The following VPS54 variants were observed in gnomAD, a reference collection of about 807,000 sequenced individuals.
VPS54 encodes the protein VPS54 subunit of GARP complex.
A neutral mutation model predicts 121.5 loss-of-function variants in VPS54; 45 were observed. The ratio of observed to expected loss-of-function variants is 0.37; its 90% CI spans 0.29 to 0.47. The LOEUF is 0.47. Ranked by LOEUF, VPS54 falls within the 20% of genes least tolerant of loss-of-function variation. VPS54 has a pLI of 0.99. For missense variants in VPS54, 1,090 were observed against 1,131.4 expected (o/e 0.96, Z 0.52); for synonymous variants, 371 against 385.8 (o/e 0.96, Z 0.45).
At chr2:64,018,749 A>G (rs1371082993) in intron 1 of VPS54, among the ~76,000 whole-genome samples, 189 bp downstream of exon 1, 1 of 16,160 alleles carries the variant, frequency 6.2e-5, no homozygotes, top group Non-Finnish European at 2.4e-4. Flanking sequence ...GTGAAAAGGA[A>G]AAAAAAAAAA....
chr2:63,899,111 G>T (rs1246333237), intron 21 of VPS54, among the ~76,000 whole-genome samples: 1 of 152,032 alleles, frequency 6.6e-6, no homozygotes, highest in Non-Finnish European at 1.5e-5. Flanking sequence ...TATCCAATTT[G>T]AATTACAATC....
intron 5 of VPS54, among the ~76,000 whole-genome samples, chr2:63,968,468 T>C (rs1351187264): frequency 1.3e-5 from 2 of 149,860 alleles, no homozygotes; most frequent in Non-Finnish European, 3.0e-5. Flanking sequence ...TCCCAGCACA[T>C]TGGGAGGCTG....
intron 16 of VPS54, among the ~76,000 whole-genome samples, chr2:63,915,815 A>G (rs1025084741): frequency 3.3e-5 from 5 of 152,210 alleles, no homozygotes; most frequent in African/African-American, 4.8e-5. Context: ...CAGAAAAAGG[A>G]TTAATTCTAT....
intron 1 of VPS54, among the ~76,000 whole-genome samples, chr2:63,996,439 C>T (rs566928015): frequency 6.6e-6 from 1 of 152,246 alleles, no homozygotes; most frequent in Non-Finnish European, 1.5e-5. Flanking sequence ...GTTAACTGCA[C>T]AAATTGTTCC....
intron 6 of VPS54, among the ~76,000 whole-genome samples, chr2:63,962,970 AAC>A (rs1377849116): frequency 6.6e-6 from 1 of 152,156 alleles, no homozygotes; most frequent in Non-Finnish European, 1.5e-5. Flanking sequence ...CAGATGAGGA[AAC>A]ACAGTCATGT....
chr2:63,943,677 C>T (rs1674839286), intron 10 of VPS54, among the ~76,000 whole-genome samples: 1 of 151,390 alleles, frequency 6.6e-6, no homozygotes, highest in Non-Finnish European at 1.5e-5. Context: ...TATCACTATT[C>T]TTCTTAAAAT....
chr2:64,015,857 T>C (rs759725825), intron 1 of VPS54, among the ~76,000 whole-genome samples: 2 of 152,240 alleles, frequency 1.3e-5, no homozygotes, highest in African/African-American at 2.4e-5. Context: ...TTTTGTAACA[T>C]GGGTTTCATC....
At chr2:63,946,862 TAAA>T (rs1675002190) in intron 9 of VPS54, among the ~76,000 whole-genome samples, 1 of 152,036 alleles carries the variant, frequency 6.6e-6, no homozygotes, top group Admixed American at 6.6e-5. Flanking sequence ...TCAAATAACT[TAAA>T]AATACTTTTC....
In VPS54 at chr2:63,915,151, C is replaced by CAAAAAAA. The variant is rs5831674; in HGVS notation, c.2229-871_2229-865dup. Among the ~76,000 whole-genome samples, 6 of 23,846 alleles carry CAAAAAAA rather than the reference C, an allele frequency of 2.5e-4. 1 individual carries two copies. Among genetic ancestry groups the CAAAAAAA allele is most frequent in the Non-Finnish European group, 3.5e-4 (4 of 11,536 alleles). 15.6% of individuals were successfully genotyped at this position (23,846 alleles called of 152,430 possible). A position where few individuals can be genotyped will look rare whatever the true frequency, so the allele number is the denominator to read the frequency against. ...GGGCAACAAGAGCAAAGCTCCGTCTCAAAAAAAAAAAAAAAAAAAAAAAAA... is the reference window on the plus strand; with the variant it reads ...GGGCAACAAGAGCAAAGCTCCGTCTCAAAAAAAAAAAAAAAAAAAAAAAAAAAAAAAA... On this transcript the variant is annotated intron_variant, in intron 16 of 22. Coordinates refer to ENST00000272322, the MANE Select transcript of VPS54 (RefSeq NM_016516.3).
intron 1 of VPS54, among the ~76,000 whole-genome samples, chr2:63,994,381 C>T (rs1375425811): frequency 6.6e-6 from 1 of 152,130 alleles, no homozygotes. Flanking sequence ...CAAAATTATT[C>T]TTATTGGGCT....
In VPS54 at chr2:63,914,245, C is replaced by T; in HGVS notation, c.2271G>A (p.Gln757=). 1 of 1,613,604 alleles carries T rather than the reference C, an allele frequency of 6.2e-7. No homozygotes were observed. The highest frequency in any genetic ancestry group is 8.5e-7 in the Non-Finnish European group (1 of 1,179,780). ...TAACAGATGGGATGTTATCCACACA[C>T]TGGCAATATTCAAGGATAATTCTTA... is the stretch of plus-strand genomic sequence containing the variant. ...LLIRIILEYC[Q]CVDNIPSVTT... is the part of the protein sequence containing the mutation. The change falls in exon 17 of 23, where the codon CAG becomes CAA. Residue 757 remains glutamine, a synonymous_variant. Coordinates refer to ENST00000272322, the MANE Select transcript of VPS54 (RefSeq NM_016516.3).
Position 63,897,485 on chromosome 2 carries a change from A to G in VPS54, c.2828+11T>C, listed in dbSNP as rs369640127. 321 of 1,554,010 alleles carry G rather than the reference A, an allele frequency of 2.1e-4. No individual in the cohort carries two copies. Among genetic ancestry groups the G allele is most frequent in the Non-Finnish European group, 2.7e-4 (304 of 1,139,764 alleles). ...TATGGGAGTATATGGTGAAAACGTTAAAAAACATACCCATTTTGAGGTCCT... is the reference window on the plus strand; with the variant it reads ...TATGGGAGTATATGGTGAAAACGTTGAAAAACATACCCATTTTGAGGTCCT... On this transcript the variant is annotated intron_variant, in intron 22 of 22. Transcript: ENST00000272322.
chr2:64,009,799 G>A (rs1678342178), intron 1 of VPS54, among the ~76,000 whole-genome samples: 1 of 150,986 alleles, frequency 6.6e-6, no homozygotes, highest in South Asian at 2.1e-4. Flanking sequence ...AGGCAGTGGA[G>A]AGAGGCCATT....
At chr2:63,951,631 T>G (rs964032088) in intron 7 of VPS54, among the ~76,000 whole-genome samples, 3 of 152,114 alleles carry the variant, frequency 2.0e-5, no homozygotes, top group African/African-American at 7.2e-5. Flanking sequence ...GTGTGCAAGT[T>G]TGGATAAATT....
intron 20 of VPS54, among the ~76,000 whole-genome samples, chr2:63,903,467 T>G (rs1168958722): frequency 1.3e-5 from 2 of 151,982 alleles, no homozygotes; most frequent in East Asian, 3.9e-4. Flanking sequence ...CAAAAATTTA[T>G]CCTCATTTTT....
intron 5 of VPS54, among the ~76,000 whole-genome samples, chr2:63,967,234 G>GA (rs1216225764): frequency 6.6e-6 from 1 of 151,892 alleles, no homozygotes; most frequent in Admixed American, 6.6e-5. Context: ...AATATGGTAG[G>GA]AAAAAAATCT....
intron 1 of VPS54, among the ~76,000 whole-genome samples, chr2:64,018,067 G>A (rs773560148): frequency 3.6e-4 from 54 of 152,110 alleles, no homozygotes; most frequent in Non-Finnish European, 6.8e-4. Flanking sequence ...GGTTATCGCA[G>A]TAATATTTCT....
chr2:63,980,159 T>C (rs1486121513), intron 3 of VPS54, among the ~76,000 whole-genome samples: 1 of 152,206 alleles, frequency 6.6e-6, no homozygotes, highest in African/African-American at 2.4e-5. Context: ...TGCTTAAAAC[T>C]GTAATGTCTT....
intron 20 of VPS54, among the ~76,000 whole-genome samples, chr2:63,904,142 T>C (rs1009723833): frequency 6.6e-6 from 1 of 151,964 alleles, no homozygotes; most frequent in African/African-American, 2.4e-5. Flanking sequence ...TAACCAGCCA[T>C]AAAAAGGATA....
Sources: allele counts gnomAD v4.1 joint callset (sites outside exome capture counted in the v4.1 genomes callset), GRCh38; gene constraint gnomAD v4.1.1; transcripts MANE v1.5; gene names NCBI Gene and HGNC (gene_info 2026-07-23, HGNC 2026-07-21).